Variants in FOXP1 observed in about 807,000 individuals in gnomAD.
FOXP1 encodes forkhead box P1.
In FOXP1, 15 loss-of-function variants were observed where a neutral mutation model predicts 98.2. The ratio of observed to expected loss-of-function variants is 0.15; its 90% CI spans 0.10 to 0.24. FOXP1 has a LOEUF of 0.24. FOXP1 is among the 10% of genes least tolerant of loss of function. FOXP1 has a pLI of 1.00. For synonymous variants in FOXP1, 371 were observed against 314.5 expected, an observed-to-expected ratio of 1.18 and a Z score of -1.90; for missense variants, 633 against 848.5, an observed-to-expected ratio of 0.75 and a Z score of 3.15.
chr3:71,106,075 C>T (rs1383014703), intron 7 of FOXP1, among the ~76,000 whole-genome samples: 1 of 152,132 alleles, frequency 6.6e-6, no homozygotes, highest in East Asian at 1.9e-4. Context: ...GCTGTTACTA[C>T]CTTTGTGCTG....
At chr3:71,046,779 T>C (rs2049088558) in intron 10 of FOXP1, among the ~76,000 whole-genome samples, 163 bp downstream of exon 10, 1 of 152,210 alleles carries the variant, frequency 6.6e-6, no homozygotes, top group Non-Finnish European at 1.5e-5. Flanking sequence ...AACAAGCATT[T>C]CACCTTCTAC....
At chr3:71,209,401 C>T (rs975061029) in intron 5 of FOXP1, among the ~76,000 whole-genome samples, 2 of 152,160 alleles carry the variant, frequency 1.3e-5, no homozygotes, top group Non-Finnish European at 2.9e-5. Context: ...CTTAATGCTC[C>T]AGTCTCCTCA....
intron 6 of FOXP1, among the ~76,000 whole-genome samples, chr3:71,182,748 C>G (rs879282864): frequency 6.6e-6 from 1 of 151,784 alleles, no homozygotes; most frequent in Non-Finnish European, 1.5e-5. Flanking sequence ...GAGGTCTAAG[C>G]TGCCCAGACT....
chr3:71,225,722 C>A (rs1266311565), intron 5 of FOXP1, among the ~76,000 whole-genome samples: 1 of 152,204 alleles, frequency 6.6e-6, no homozygotes, highest in Non-Finnish European at 1.5e-5. Context: ...CACTTGCTTT[C>A]CCCTCCCTAG....
intron 3 of FOXP1, among the ~76,000 whole-genome samples, chr3:71,469,842 CA>C (rs1390539407): frequency 6.6e-6 from 1 of 152,132 alleles, no homozygotes; most frequent in Non-Finnish European, 1.5e-5. Context: ...AGATGATGTG[CA>C]GTAGCTCTCC....
chr3:71,198,423 GGAGGGGGGGAGA>G, intron 5 of FOXP1, 31 bp from the exon 6 acceptor site: 1 of 510,828 alleles, frequency 2.0e-6, no homozygotes, highest in Non-Finnish European at 3.8e-6. Flanking sequence ...ATGGGGGGAG[GGAGGGGGGGAGA>G]AAAAAAAAGC....
chr3:71,197,015 C>G (rs1385966526), intron 6 of FOXP1, among the ~76,000 whole-genome samples: 3 of 152,182 alleles, frequency 2.0e-5, no homozygotes, highest in Non-Finnish European at 4.4e-5. Flanking sequence ...AAGGAGCTAA[C>G]AGTCTAATCA....
At chr3:71,524,635 T>C in intron 2 of FOXP1, among the ~76,000 whole-genome samples, 1 of 151,916 alleles carries the variant, frequency 6.6e-6, no homozygotes, top group African/African-American at 2.4e-5. Context: ...ATTTACAAGA[T>C]GAACTTCTTT....
At chr3:71,493,719 C>G (rs185127591) in intron 2 of FOXP1, among the ~76,000 whole-genome samples, 164 bp from the exon 3 acceptor site, 1 of 152,108 alleles carries the variant, frequency 6.6e-6, no homozygotes, top group Non-Finnish European at 1.5e-5. Flanking sequence ...AAATATGAAC[C>G]GGAAATACTG....
chr3:71,007,112 G>A (rs1228953262), intron 12 of FOXP1, among the ~76,000 whole-genome samples: 1 of 151,968 alleles, frequency 6.6e-6, no homozygotes, highest in East Asian at 1.9e-4. Context: ...TTAAAAGGGG[G>A]AAAAAATTTT....
chr3:71,067,046 A>AG (rs1451386747), intron 7 of FOXP1, among the ~76,000 whole-genome samples: 1 of 152,144 alleles, frequency 6.6e-6, no homozygotes, highest in Non-Finnish European at 1.5e-5. Flanking sequence ...GATCACTAGG[A>AG]GGAGGGGTCT....
chr3:71,126,269 G>C (rs2059165123), intron 6 of FOXP1, among the ~76,000 whole-genome samples: 1 of 151,816 alleles, frequency 6.6e-6, no homozygotes, highest in Non-Finnish European at 1.5e-5. Flanking sequence ...CGGATCACCA[G>C]GTCAGGAGAT....
In FOXP1 at chr3:71,528,258, C is replaced by T. The variant is rs371399290; in HGVS notation, c.-297-34703G>A. Among the ~76,000 whole-genome samples the T allele has an allele frequency of 2.0e-3, 306 of 152,256 alleles. 1 individual carries two copies. Among genetic ancestry groups the T allele is most frequent in the South Asian group, 0.019 (94 of 4,826 alleles). ...CAGGTAATACAAGTAGAAAGAATTC[C>T]CTAACTTTCAAACTCTCAGCTCGGG... On this transcript the variant is annotated intron_variant, in intron 2 of 20. Coordinates refer to ENST00000649528, the MANE Select transcript of FOXP1 (RefSeq NM_001349338.3).
At chr3:71,519,007 A>G (rs1296419416) in intron 2 of FOXP1, among the ~76,000 whole-genome samples, 1 of 152,246 alleles carries the variant, frequency 6.6e-6, no homozygotes, top group East Asian at 1.9e-4. Context: ...GCACTTTGGG[A>G]GGCCGAGACG....
intron 6 of FOXP1, among the ~76,000 whole-genome samples, chr3:71,185,421 A>G (rs1234539054): frequency 6.6e-6 from 1 of 152,210 alleles, no homozygotes; most frequent in Admixed American, 6.5e-5. Flanking sequence ...ACTATTTTTA[A>G]ATTAGGTATT....
chr3:71,064,538 C>CGA, intron 7 of FOXP1, among the ~76,000 whole-genome samples: 1 of 151,666 alleles, frequency 6.6e-6, no homozygotes, highest in East Asian at 2.0e-4. Context: ...AAAAAGAGAG[C>CGA]GAGAGTGTGA....
At chr3:71,061,267 C>T (rs557471007) in intron 7 of FOXP1, among the ~76,000 whole-genome samples, 1 of 152,256 alleles carries the variant, frequency 6.6e-6, no homozygotes, top group East Asian at 1.9e-4. Context: ...TTAAGACTAT[C>T]CCCAAATCTA....
intron 3 of FOXP1, among the ~76,000 whole-genome samples, chr3:71,399,667 T>C (rs2081816645): frequency 6.6e-6 from 1 of 152,154 alleles, no homozygotes; most frequent in African/African-American, 2.4e-5. Flanking sequence ...ATGATGAAAT[T>C]TCCTCTTACC....
chr3:71,367,797 A>T (rs2079024625), intron 3 of FOXP1, among the ~76,000 whole-genome samples: 1 of 152,240 alleles, frequency 6.6e-6, no homozygotes, highest in African/African-American at 2.4e-5. Flanking sequence ...AGAAATAAGA[A>T]TTTGACCACC....
Sources: allele counts gnomAD v4.1 joint callset (sites outside exome capture counted in the v4.1 genomes callset), GRCh38; gene constraint gnomAD v4.1.1; transcripts MANE v1.5; gene names NCBI Gene and HGNC (gene_info 2026-07-23, HGNC 2026-07-21).